The following NACC2 variants were observed in gnomAD, a reference collection of about 807,000 sequenced individuals.
The protein encoded by NACC2 is nucleus accumbens-associated protein 2.
Under a neutral mutation model 25.1 loss-of-function variants are expected in NACC2, and 8 were observed. The observed-to-expected ratio is 0.32, with a 90% confidence interval of 0.19 to 0.57. The LOEUF is 0.57. Ranked by LOEUF, NACC2 falls within the 20% of genes least tolerant of loss-of-function variation. NACC2 has a pLI of 0.89. For synonymous variants in NACC2, 435 were observed against 294.7 expected (o/e 1.48, Z -4.88); for missense variants, 644 against 650.2 (o/e 0.99, Z 0.10).
chr9:136,050,624 G>A, intron 1 of NACC2, 44 bp from the exon 2 acceptor site: 1 of 686,578 alleles, frequency 1.5e-6, no homozygotes, highest in East Asian at 2.7e-5. Flanking sequence ...CCAGGTCACG[G>A]GCTCCCCGCT....
intron 2 of NACC2, among the ~76,000 whole-genome samples, chr9:136,025,294 G>A (rs1305968221): frequency 6.6e-6 from 1 of 152,162 alleles, no homozygotes; most frequent in Non-Finnish European, 1.5e-5. Flanking sequence ...TTTGAGGAGT[G>A]CTGCTTACGA....
Position 136,013,643 on chromosome 9 carries a change from T to C in NACC2, c.1157+221A>G, listed in dbSNP as rs1301719423. ...GCTCTTCATTTTTCTGTTGTGGGGG[T>C]TGCATCCACAAGCCCGTTTGAGAAA... On this transcript the variant is annotated intron_variant, in intron 4 of 5. Transcript: ENST00000277554. This position sits in a 1 kb window ranked among gnomAD's most constrained non-coding sequence, Gnocchi z 6.6. Among the ~76,000 whole-genome samples, 3 of 151,902 alleles carry C rather than the reference T, an allele frequency of 2.0e-5. No homozygotes were observed. The highest frequency in any genetic ancestry group is 7.3e-5 in the African/African-American group (3 of 41,322).
chr9:136,056,999 T>C (rs1373762264), intron 1 of NACC2, among the ~76,000 whole-genome samples: 1 of 152,186 alleles, frequency 6.6e-6, no homozygotes, highest in Non-Finnish European at 1.5e-5. Flanking sequence ...AGGGGGTCTC[T>C]GGACAGCACA....
intron 1 of NACC2, among the ~76,000 whole-genome samples, chr9:136,090,390 G>A (rs1830422733): frequency 6.6e-6 from 1 of 152,240 alleles, no homozygotes; most frequent in Admixed American, 6.5e-5. Flanking sequence ...ACTCTAGGCA[G>A]TGCCCAGGAG....
chr9:136,046,007 G>A (rs967201222), intron 2 of NACC2, among the ~76,000 whole-genome samples: 21 of 152,306 alleles, frequency 1.4e-4, no homozygotes, highest in Admixed American at 2.6e-4. Flanking sequence ...GAGCCCCAGC[G>A]GGAATGCAGC....
chr9:136,086,949 C>T lies in NACC2; in HGVS notation c.-60+8240G>A, dbSNP rs891759585. On this transcript the variant is annotated intron_variant, in intron 1 of 5. Coordinates refer to ENST00000277554, the MANE Select transcript of NACC2 (RefSeq NM_144653.5). This position sits in a 1 kb window ranked among gnomAD's most constrained non-coding sequence, Gnocchi z 5.6. ...TCGCATCTACCTGACCCTTTGAATGCGGCCTTATTTGGAAACAGGGTCTTT... is the reference window on the plus strand; with the variant it reads ...TCGCATCTACCTGACCCTTTGAATGTGGCCTTATTTGGAAACAGGGTCTTT... 2.0e-5 allele frequency among the ~76,000 whole-genome samples: 3 copies of T among 152,212 alleles called. No individual in the cohort carries two copies. Among genetic ancestry groups the T allele is most frequent in the Non-Finnish European group, 2.9e-5 (2 of 68,036 alleles).
At chr9:136,081,307 G>A (rs564349163) in intron 1 of NACC2, among the ~76,000 whole-genome samples, 6 of 152,036 alleles carry the variant, frequency 3.9e-5, no homozygotes, top group Non-Finnish European at 7.4e-5. Flanking sequence ...TAGAGTAACC[G>A]GAACGACCTG....
rs1341189192 is a variant in NACC2 at position 136,018,278 on chromosome 9, A to G, written c.887-1849T>C. On this transcript the variant is annotated intron_variant, in intron 2 of 5. Coordinates refer to ENST00000277554, the MANE Select transcript of NACC2 (RefSeq NM_144653.5). This position sits in a 1 kb window ranked among gnomAD's most constrained non-coding sequence, Gnocchi z 4.4. ...GCCTCGGGGCGTGGGGGGGCTGCCA[A>G]GGGGGCTGCTGGGGAGCAGCCTGAG... Among the ~76,000 whole-genome samples, 3 of 151,732 alleles carry G rather than the reference A, an allele frequency of 2.0e-5. No individual in the cohort carries two copies. Among genetic ancestry groups the G allele is most frequent in the African/African-American group, 7.2e-5 (3 of 41,398 alleles).
chr9:136,073,652 CAG>C (rs1270149542), intron 1 of NACC2, among the ~76,000 whole-genome samples: 1 of 74,622 alleles, frequency 1.3e-5, no homozygotes, highest in Non-Finnish European at 3.6e-5. Context: ...AGAATGTTTG[CAG>C]AAAGTCGACT....
At chr9:136,094,065 C>A (rs1179119027) in intron 1 of NACC2, among the ~76,000 whole-genome samples, 1 of 152,186 alleles carries the variant, frequency 6.6e-6, no homozygotes, top group Non-Finnish European at 1.5e-5. Context: ...GGTGCACGCG[C>A]TCCCGGAGGC....
intron 1 of NACC2, among the ~76,000 whole-genome samples, chr9:136,080,884 G>A (rs964721313): frequency 3.3e-5 from 5 of 152,190 alleles, no homozygotes; most frequent in East Asian, 1.9e-4. Context: ...CAGCAGAGCC[G>A]CCCCTGCGTG....
intron 1 of NACC2, among the ~76,000 whole-genome samples, chr9:136,091,588 C>A (rs530176342): frequency 6.6e-6 from 1 of 152,350 alleles, no homozygotes; most frequent in South Asian, 2.1e-4. Flanking sequence ...GCAACCAATA[C>A]TTCCAGACAG....
chr9:136,012,203 C>A (rs141673364), intron 5 of NACC2, among the ~76,000 whole-genome samples, 179 bp from the exon 6 acceptor site: 11 of 152,348 alleles, frequency 7.2e-5, no homozygotes, highest in Admixed American at 2.6e-4. Context: ...TCTCACTGCT[C>A]GGCCTGGGAG....
chr9:136,030,402 G>C (rs1447318576), intron 2 of NACC2, among the ~76,000 whole-genome samples: 1 of 152,050 alleles, frequency 6.6e-6, no homozygotes, highest in South Asian at 2.1e-4. Context: ...GAGGTCAGGA[G>C]ATCGAGACCA....
chr9:136,028,537 C>T (rs935604200), intron 2 of NACC2, among the ~76,000 whole-genome samples: 22 of 152,226 alleles, frequency 1.4e-4, no homozygotes, highest in African/African-American at 5.3e-4. Context: ...AGCGGTGGCC[C>T]GTCTGGACCA....
intron 2 of NACC2, among the ~76,000 whole-genome samples, chr9:136,042,833 CACAG>C (rs1466807758): frequency 2.7e-5 from 4 of 150,890 alleles, no homozygotes; most frequent in African/African-American, 9.7e-5. Flanking sequence ...GGAATTCACA[CACAG>C]ACACATACAG....
At chr9:136,075,677 C>A (rs1830255751) in intron 1 of NACC2, among the ~76,000 whole-genome samples, 1 of 152,190 alleles carries the variant, frequency 6.6e-6, no homozygotes, top group African/African-American at 2.4e-5. Flanking sequence ...GTCCTGAGCT[C>A]CCTGTGCCCG....
intron 2 of NACC2, among the ~76,000 whole-genome samples, chr9:136,026,493 G>A (rs1451644611): frequency 2.0e-5 from 3 of 152,024 alleles, no homozygotes; most frequent in Non-Finnish European, 4.4e-5. Flanking sequence ...CTGAGGCTCT[G>A]AGGAGACAGA....
intron 2 of NACC2, among the ~76,000 whole-genome samples, chr9:136,038,844 A>G (rs1840591636): frequency 6.6e-6 from 1 of 152,300 alleles, no homozygotes; most frequent in East Asian, 1.9e-4. Flanking sequence ...AGCAATTGCT[A>G]AACAACTGAG....
Sources: allele counts gnomAD v4.1 joint callset (sites outside exome capture counted in the v4.1 genomes callset), GRCh38; gene constraint gnomAD v4.1.1; non-coding constraint Gnocchi (gnomAD v3.1); transcripts MANE v1.5; gene names NCBI Gene and HGNC (gene_info 2026-07-23, HGNC 2026-07-21).